Variants in RGS5 observed in about 807,000 individuals in gnomAD.
RGS5 encodes regulator of G protein signaling 5.
In RGS5, 20 loss-of-function variants were observed where a neutral mutation model predicts 18.9. The observed-to-expected ratio is 1.06, with a 90% CI of 0.74 to 1.54. RGS5 has a LOEUF of 1.54. RGS5 is among the 40% of genes most tolerant of loss of function. The probability of loss-of-function intolerance (pLI) is 0.00; values close to 1 mark genes in which losing one functional copy is unlikely to be tolerated. For missense variants in RGS5, 201 were observed against 211.8 expected, an observed-to-expected ratio of 0.95 and a Z score of 0.32; for synonymous variants, 57 against 76.2, an observed-to-expected ratio of 0.75 and a Z score of 1.31.
intron 2 of RGS5, among the ~76,000 whole-genome samples, chr1:163,246,827 T>A (rs751845368): frequency 1.1e-4 from 17 of 152,160 alleles, no homozygotes; most frequent in Non-Finnish European, 1.9e-4. Flanking sequence ...CTGCATGGAA[T>A]CAATCTAGAT....
chr1:163,267,625 C>A lies in RGS5; in HGVS notation c.-281+38608G>T, dbSNP rs560473084. 2.6e-5 allele frequency among the ~76,000 whole-genome samples: 4 copies of A among 152,238 alleles called. No individual in the cohort carries two copies. The East Asian group carries it at 5.8e-4, about 22-fold the overall frequency. On this transcript the variant is annotated intron_variant, in intron 2 of 5. Transcript: ENST00000618415. ...CTCACAATCTATATACCACACATGG[C>A]ACTCCTATTGTGAGTCTGCTCCAAA...
rs996645303 is a variant in RGS5, at chr1:163,281,907, C to T, written c.-281+24326G>A. The stretch of plus-strand genomic sequence containing the variant: ...CTAGACCCCTATTTCTAACCATATA[C>T]AAAAATCAACTCTCAGAGTGAATTA... On this transcript the variant is annotated intron_variant, in intron 2 of 5. Transcript: ENST00000618415. 2.0e-5 allele frequency among the ~76,000 whole-genome samples: 3 copies of T among 152,060 alleles called. No homozygotes were observed. The South Asian group carries it at 6.2e-4, about 31-fold the overall frequency.
chr1:163,183,024 C>T (rs1489129019), intron 1 of RGS5, among the ~76,000 whole-genome samples: 1 of 152,136 alleles, frequency 6.6e-6, no homozygotes, highest in African/African-American at 2.4e-5. Flanking sequence ...TATTACATCA[C>T]TTAATAAAAC....
At chr1:163,154,916 G>A (rs1657522810) in intron 3 of RGS5, among the ~76,000 whole-genome samples, 1 of 148,508 alleles carries the variant, frequency 6.7e-6, no homozygotes, top group Non-Finnish European at 1.5e-5. Flanking sequence ...GTTTTTAATT[G>A]TAAACTAAAA....
At chr1:163,184,770 TAGATGTTAGAAAAGGC>T (rs1468999808) in intron 1 of RGS5, among the ~76,000 whole-genome samples, 1 of 152,160 alleles carries the variant, frequency 6.6e-6, no homozygotes, top group East Asian at 1.9e-4. Flanking sequence ...AGGTGGCCTC[TAGATGTTAGAAAAGGC>T]AAATAAATCA....
chr1:163,162,488 T>C (rs931957496), intron 2 of RGS5, among the ~76,000 whole-genome samples: 6 of 152,132 alleles, frequency 3.9e-5, no homozygotes, highest in African/African-American at 1.4e-4. Context: ...ATGCTTTCCT[T>C]ATGTTGGGAT....
chr1:163,226,656 C>G (rs116236274), intron 2 of RGS5, among the ~76,000 whole-genome samples: 2,606 of 152,196 alleles, frequency 0.017, 44 homozygotes, highest in South Asian at 0.051. Flanking sequence ...GCTCAAAAAG[C>G]AAACTATGGG....
chr1:163,160,882 G>A (rs991472202), intron 3 of RGS5, among the ~76,000 whole-genome samples: 1 of 152,056 alleles, frequency 6.6e-6, no homozygotes, highest in East Asian at 1.9e-4. Flanking sequence ...TTGTTTTCCC[G>A]ATACTATATA....
At chr1:163,191,595 C>G (rs1422998481) in intron 1 of RGS5, among the ~76,000 whole-genome samples, 1 of 152,200 alleles carries the variant, frequency 6.6e-6, no homozygotes. Context: ...CCCATGGTCT[C>G]TGGCCATAAA....
intron 1 of RGS5, among the ~76,000 whole-genome samples, chr1:163,171,377 C>T (rs1301109304): frequency 1.3e-5 from 2 of 152,156 alleles, no homozygotes; most frequent in Non-Finnish European, 2.9e-5. Flanking sequence ...CCATATCCTC[C>T]TGGCTCCATA....
chr1:163,202,526 T>A (rs1289972106), intron 1 of RGS5, among the ~76,000 whole-genome samples: 1 of 152,228 alleles, frequency 6.6e-6, no homozygotes, highest in East Asian at 1.9e-4. Flanking sequence ...TAAGGACTTA[T>A]AGAATAGGCA....
intron 1 of RGS5, among the ~76,000 whole-genome samples, chr1:163,184,400 CA>C (rs34214775): frequency 0.012 from 1,229 of 104,988 alleles, 9 homozygotes; most frequent in African/African-American, 0.031. Context: ...CCCATCCCTC[CA>C]AAAAAAAAAA....
At chr1:163,250,541 C>T (rs1648079108) in intron 2 of RGS5, among the ~76,000 whole-genome samples, 1 of 152,128 alleles carries the variant, frequency 6.6e-6, no homozygotes, top group Non-Finnish European at 1.5e-5. Context: ...AAAGCTACTA[C>T]AGTCAGGTAT....
chr1:163,185,205 TACAC>T (rs149595022), intron 1 of RGS5, among the ~76,000 whole-genome samples: 1 of 151,002 alleles, frequency 6.6e-6, no homozygotes, highest in Non-Finnish European at 1.5e-5. Flanking sequence ...AGTCTTTATT[TACAC>T]ACACACACAC....
At chr1:163,162,094 C>T in intron 2 of RGS5, 118 bp from the exon 3 acceptor site, 1 of 728,518 alleles carries the variant, frequency 1.4e-6, no homozygotes, top group Non-Finnish European at 2.4e-6. Context: ...GCTGGTCTAT[C>T]CTCAGGACAA....
chr1:163,252,771 C>T (rs988291124), intron 2 of RGS5, among the ~76,000 whole-genome samples: 10 of 152,020 alleles, frequency 6.6e-5, no homozygotes, highest in Non-Finnish European at 1.2e-4. Flanking sequence ...TGGGAATTTT[C>T]GTCTTTATGG....
At chr1:163,288,755 T>C (rs1258970811) in intron 2 of RGS5, among the ~76,000 whole-genome samples, 1 of 152,166 alleles carries the variant, frequency 6.6e-6, no homozygotes, top group Non-Finnish European at 1.5e-5. Flanking sequence ...TAGCCTCACA[T>C]GTCCTTCTGC....
chr1:163,298,691 T>C (rs1412751133), intron 2 of RGS5, among the ~76,000 whole-genome samples: 1 of 152,146 alleles, frequency 6.6e-6, no homozygotes, highest in Non-Finnish European at 1.5e-5. Flanking sequence ...GAGTTAATCT[T>C]CCTTCACTGA....
At chr1:163,213,664 A>C (rs1660155298) in intron 1 of RGS5, among the ~76,000 whole-genome samples, 1 of 152,180 alleles carries the variant, frequency 6.6e-6, no homozygotes, top group Non-Finnish European at 1.5e-5. Flanking sequence ...TCCATGTTTG[A>C]AGCTAAATAA....
Sources: allele counts gnomAD v4.1 joint callset (sites outside exome capture counted in the v4.1 genomes callset), GRCh38; gene constraint gnomAD v4.1.1; transcripts MANE v1.5; gene names NCBI Gene and HGNC (gene_info 2026-07-23, HGNC 2026-07-21).